Variants in ZFP82 observed in about 807,000 individuals in gnomAD.
ZFP82 encodes ZFP82 zinc finger protein.
A neutral mutation model predicts 54.0 loss-of-function variants in ZFP82; 30 were observed. That is an observed-to-expected ratio of 0.56 (90% confidence interval 0.42 to 0.75). The LOEUF (loss-of-function observed/expected upper bound fraction) is 0.75. ZFP82 is among the 30% of genes least tolerant of loss of function. The probability of loss-of-function intolerance (pLI) is 0.00; values close to 1 mark genes in which losing one functional copy is unlikely to be tolerated. For missense variants in ZFP82, 500 were observed against 636.8 expected (o/e 0.79, Z 2.31); for synonymous variants, 194 against 209.5 (o/e 0.93, Z 0.64).
At chr19:36,415,841 G>C (rs763748004) in intron 1 of ZFP82, among the ~76,000 whole-genome samples, 4 of 152,140 alleles carry the variant, frequency 2.6e-5, no homozygotes, top group Non-Finnish European at 4.4e-5. Flanking sequence ...ACACCCATCA[G>C]TTCTTTAACT....
intron 1 of ZFP82, among the ~76,000 whole-genome samples, chr19:36,417,742 C>G (rs576469537): frequency 6.6e-6 from 1 of 152,136 alleles, no homozygotes; most frequent in Admixed American, 6.5e-5. Context: ...GGGGCTAGAA[C>G]TGGAGTTCAC....
At chr19:36,400,325 C>A (rs778664120) in intron 4 of ZFP82, among the ~76,000 whole-genome samples, 42 of 152,172 alleles carry the variant, frequency 2.8e-4, no homozygotes, top group Non-Finnish European at 4.4e-4. Context: ...TTTGTTGATA[C>A]AAGAAGTTCT....
intron 1 of ZFP82, among the ~76,000 whole-genome samples, chr19:36,411,740 C>A (rs2032583888): frequency 6.6e-6 from 1 of 151,906 alleles, no homozygotes; most frequent in Non-Finnish European, 1.5e-5. Flanking sequence ...TGGCAGGCAC[C>A]TGTAAGCCCA....
chr19:36,388,271 C>T (rs188396642), downstream of ZFP82, among the ~76,000 whole-genome samples: 181 of 151,916 alleles, frequency 1.2e-3, 2 homozygotes, highest in Middle Eastern at 3.4e-3. Context: ...TAAAATTGGC[C>T]CACATTTTGC....
At chr19:36,417,187 C>G (rs2032688332) in intron 1 of ZFP82, among the ~76,000 whole-genome samples, 1 of 149,076 alleles carries the variant, frequency 6.7e-6, no homozygotes, top group Non-Finnish European at 1.5e-5. Context: ...TTAGTATTTT[C>G]ATTTTCCCCC....
rs2032145353 is a variant in ZFP82, at chr19:36,388,746, A to G, written c.*3995T>C. Among the ~76,000 whole-genome samples, 1 of 152,150 alleles carries G rather than the reference A, an allele frequency of 6.6e-6. No homozygotes were observed. Among genetic ancestry groups the G allele is most frequent in the African/African-American group, 2.4e-5 (1 of 41,438 alleles). On this transcript the variant is annotated 3_prime_UTR_variant, in exon 5 of 5. Coordinates refer to ENST00000392161, the MANE Select transcript of ZFP82 (RefSeq NM_133466.4). ...CTGTTATTTTATTAACTATTCCATT[A>G]ATTTATTTGATCATATAAACTACTT...
chr19:36,398,821 A>T (rs1278025577), intron 4 of ZFP82, among the ~76,000 whole-genome samples: 3 of 152,058 alleles, frequency 2.0e-5, no homozygotes, highest in African/African-American at 4.8e-5. Flanking sequence ...GATTTTTTTT[A>T]AAAAAGCTCA....
At position 36,394,432 on chromosome 19, in the gene ZFP82, T is replaced by G. The variant is rs377742787; in HGVS notation, c.230-322A>C. On this transcript the variant is annotated intron_variant, in intron 4 of 4. Coordinates refer to ENST00000392161, the MANE Select transcript of ZFP82 (RefSeq NM_133466.4). ...CCACCTGGATCAGACTCTGCAGTCC[T>G]GGAAGGATATTTAATATTCTCTACA... The G allele has an allele frequency of 9.6e-4, 235 of 244,874 alleles. 7 individuals carry two copies. In the South Asian group the frequency reaches 0.015, roughly 15 times the overall value. The allele number at this position is 244,874 out of a possible 1,614,324, so 15.2% of individuals were successfully genotyped here.
intron 1 of ZFP82, among the ~76,000 whole-genome samples, chr19:36,415,393 T>C (rs1311847227): frequency 6.6e-6 from 1 of 151,004 alleles, no homozygotes. Flanking sequence ...ACCAGGACTT[T>C]CTTTTTTTTT....
At chr19:36,397,656 C>T (rs868430893) in intron 4 of ZFP82, among the ~76,000 whole-genome samples, 98 of 151,838 alleles carry the variant, frequency 6.5e-4, no homozygotes, top group Middle Eastern at 6.9e-3. Context: ...CACCTCCACC[C>T]GCTGGCCCCC....
chr19:36,394,360 TC>T (rs1346977262), intron 4 of ZFP82: 3 of 440,300 alleles, frequency 6.8e-6, no homozygotes, highest in African/African-American at 6.0e-5. Flanking sequence ...TGGATCAGAA[TC>T]ACCACATAGC....
rs2032199241 is a variant in ZFP82 at position 36,391,499 on chromosome 19, T to TTGCAGTCACTCAAGCTGGAGTGCAGTGG, written c.*1214_*1241dup. The TTGCAGTCACTCAAGCTGGAGTGCAGTGG allele has an allele frequency of 1.3e-5, 2 of 151,384 alleles. No individual in the cohort carries two copies. The highest frequency in any genetic ancestry group is 4.9e-5 in the African/African-American group (2 of 41,096). 9.4% of individuals were successfully genotyped at this position (151,384 alleles called of 1,614,324 possible). On this transcript the variant is annotated 3_prime_UTR_variant, in exon 5 of 5. Coordinates refer to ENST00000392161, the MANE Select transcript of ZFP82 (RefSeq NM_133466.4). ...TTTTTTTTTTTTTTGAGACAGGGTC[T>TTGCAGTCACTCAAGCTGGAGTGCAGTGG]TGCAGTCACTCAAGCTGGAGTGCAG...
intron 1 of ZFP82, among the ~76,000 whole-genome samples, chr19:36,417,570 G>A (rs1212049765): frequency 6.6e-6 from 1 of 152,062 alleles, no homozygotes; most frequent in Non-Finnish European, 1.5e-5. Flanking sequence ...TTAAAGAATT[G>A]GGCAGGACTG....
Position 36,392,704 on chromosome 19 carries a change from TAGAATGTTCTATAACAC to T in ZFP82, c.*20_*36del, listed in dbSNP as rs1568482796. The T allele has an allele frequency of 4.0e-6, 6 of 1,494,530 alleles. No individual in the cohort carries two copies. Among genetic ancestry groups the T allele is most frequent in the Non-Finnish European group, 5.3e-6 (6 of 1,123,342 alleles). 92.6% of individuals were successfully genotyped at this position (1,494,530 alleles called of 1,614,324 possible). On this transcript the variant is annotated 3_prime_UTR_variant, in exon 5 of 5. Coordinates refer to ENST00000392161, the MANE Select transcript of ZFP82 (RefSeq NM_133466.4). Reference sequence around the variant, plus strand: ...CAAAATAGATTAATTACTACATTCATAGAATGTTCTATAACACAGAAGTTGAAAAGACTTTCTTAGAT... The same window carrying T: ...CAAAATAGATTAATTACTACATTCATAGAAGTTGAAAAGACTTTCTTAGAT...
intron 4 of ZFP82, chr19:36,395,886 T>C (rs917255233): frequency 1.3e-5 from 2 of 152,088 alleles, no homozygotes; most frequent in African/African-American, 2.4e-5. Flanking sequence ...AACAATGTTT[T>C]TGATTTTTGC....
intron 3 of ZFP82, among the ~76,000 whole-genome samples, chr19:36,407,193 C>T (rs2032498404): frequency 6.7e-6 from 1 of 149,360 alleles, no homozygotes; most frequent in African/African-American, 2.5e-5. Context: ...TCTCCTGCCT[C>T]AGCCTCCCAA....
At chr19:36,416,548 G>T (rs1050661638) in intron 1 of ZFP82, among the ~76,000 whole-genome samples, 2 of 151,880 alleles carry the variant, frequency 1.3e-5, no homozygotes, top group African/African-American at 4.8e-5. Context: ...CCTGAGGTCG[G>T]GAGTTCAAGA....
At position 36,393,217 on chromosome 19, in the gene ZFP82, A is replaced by G. The variant is rs1382330620; in HGVS notation, c.1123T>C (p.Phe375Leu). The G allele has an allele frequency of 6.2e-7, 1 of 1,614,068 alleles. No individual in the cohort carries two copies. Among genetic ancestry groups the G allele is most frequent in the Non-Finnish European group, 8.5e-7 (1 of 1,180,012 alleles). ...PYECKECGKT[F>L]SRGYHLILHH... is the part of the protein sequence containing the mutation. ...AGAATAAGATGATAACCACGGCTAA[A>G]GGTCTTTCCACATTCCTTACATTCA... The change falls in exon 5 of 5, where the codon TTT becomes CTT. Residue 375 changes from phenylalanine to leucine, a missense_variant. By Grantham distance (22) the Phe-to-Leu change is conservative. Transcript: ENST00000392161.
rs999869587 is a variant in ZFP82 at position 36,388,974 on chromosome 19, A to G, written c.*3767T>C. Among the ~76,000 whole-genome samples the G allele has an allele frequency of 3.9e-5, 6 of 152,026 alleles. No homozygotes were observed. Among genetic ancestry groups the G allele is most frequent in the African/African-American group, 1.4e-4 (6 of 41,414 alleles). ...AGAGCTTTGGTTGGTGATTTCCCCC[A>G]AGTTATCTGTAGGCAACATGTGATC... On this transcript the variant is annotated 3_prime_UTR_variant, in exon 5 of 5. Coordinates refer to ENST00000392161, the MANE Select transcript of ZFP82 (RefSeq NM_133466.4).
Sources: gnomAD v4.1 joint callset for allele counts (sites outside exome capture counted in the v4.1 genomes callset) on GRCh38, gnomAD v4.1.1 for gene constraint, MANE v1.5 for transcripts, NCBI Gene and HGNC (gene_info 2026-07-23, HGNC 2026-07-21) for gene names.